Variants in RALGAPA2 observed in about 807,000 individuals in gnomAD.
RALGAPA2 encodes ral GTPase-activating protein subunit alpha-2.
Under a neutral mutation model 230.4 loss-of-function variants are expected in RALGAPA2, and 139 were observed. The ratio of observed to expected loss-of-function variants is 0.60; its 90% CI spans 0.53 to 0.69. The LOEUF is 0.69. Among genes scored for constraint, RALGAPA2 ranks in the 30% least tolerant of loss-of-function variants. The pLI is 0.00. For synonymous variants in RALGAPA2, 847 were observed against 837.8 expected (o/e 1.01, Z -0.19); for missense variants, 2,163 against 2,276.0 (o/e 0.95, Z 1.01).
chr20:20,629,696 G>T, intron 9 of RALGAPA2, 106 bp from the exon 10 acceptor site: 1 of 1,168,648 alleles, frequency 8.6e-7, no homozygotes, highest in Non-Finnish European at 1.2e-6. Flanking sequence ...TACCATCAAT[G>T]TGCACAGGGT....
rs1347609972 is a variant in RALGAPA2, at chr20:20,571,868, A to G, written c.2980T>C (p.Phe994Leu). ...CTTGCCTTAAACAGCCATGATGCAA[A>G]CATTCTGAGTGGTGGGATCAAAACT... ...PPVLIPPLRMFASWLFKAATL... is the reference protein window; with the variant it reads ...PPVLIPPLRMLASWLFKAATL... Residue 994 changes from phenylalanine to leucine, a missense_variant, in exon 22 of 40, where the codon TTT becomes CTT. Transcript: ENST00000202677. 3.7e-6 allele frequency: 6 copies of G among 1,610,780 alleles called. No individual in the cohort carries two copies. In the African/African-American group the frequency reaches 6.7e-5, roughly 18 times the overall value.
At chr20:20,653,658 C>T (rs1253080693) in intron 3 of RALGAPA2, 71 bp from the exon 4 acceptor site, 1 of 879,396 alleles carries the variant, frequency 1.1e-6, no homozygotes, top group Non-Finnish European at 1.8e-6. Flanking sequence ...GCCCATATTA[C>T]TCACTGTAGG....
intron 38 of RALGAPA2, among the ~76,000 whole-genome samples, chr20:20,400,620 C>G (rs765576919): frequency 5.3e-5 from 8 of 152,166 alleles, no homozygotes; most frequent in Non-Finnish European, 1.0e-4. Flanking sequence ...TGTTTCCAGA[C>G]TCTCTCACTC....
chr20:20,511,430 C>T, intron 32 of RALGAPA2, 105 bp from the exon 33 acceptor site: 2 of 1,430,796 alleles, frequency 1.4e-6, no homozygotes, highest in Non-Finnish European at 9.2e-7. Context: ...TCCTCTACCA[C>T]CTCACTCACA....
chr20:20,429,991 T>C (rs2060468525), intron 37 of RALGAPA2, among the ~76,000 whole-genome samples: 1 of 152,238 alleles, frequency 6.6e-6, no homozygotes, highest in South Asian at 2.1e-4. Context: ...TCATCACAGA[T>C]AGCAGGGTTG....
intron 19 of RALGAPA2, among the ~76,000 whole-genome samples, 178 bp from the exon 20 acceptor site, chr20:20,583,404 G>A (rs1568609181): frequency 6.6e-6 from 1 of 152,150 alleles, no homozygotes; most frequent in African/African-American, 2.4e-5. Flanking sequence ...GGGGCTCTTG[G>A]TCAAGAAAAT....
chr20:20,412,170 A>G (rs1234782913), intron 37 of RALGAPA2, 22 bp from the exon 38 acceptor site: 14 of 1,612,936 alleles, frequency 8.7e-6, no homozygotes, highest in Middle Eastern at 1.7e-4. Context: ...GGTTAAGGAA[A>G]CAAGTGCACG....
rs993059157 is a variant in RALGAPA2 at position 20,663,548 on chromosome 20, T to C, written c.271-9961A>G. On this transcript the variant is annotated intron_variant, in intron 3 of 39. Transcript: ENST00000202677. ...CACTGTACAGCTTCTCTTTGGCATATCTGATTGCCAGCATCACTACTCTTG... is the reference window on the plus strand; with the variant it reads ...CACTGTACAGCTTCTCTTTGGCATACCTGATTGCCAGCATCACTACTCTTG... Among the ~76,000 whole-genome samples, 4 of 152,174 alleles carry C rather than the reference T, an allele frequency of 2.6e-5. No individual in the cohort carries two copies. In the South Asian group the frequency reaches 8.3e-4, roughly 31 times the overall value.
intron 37 of RALGAPA2, among the ~76,000 whole-genome samples, chr20:20,457,420 TTTGA>T (rs2061148299): frequency 6.6e-6 from 1 of 152,196 alleles, no homozygotes; most frequent in Non-Finnish European, 1.5e-5. Flanking sequence ...AAAGCTGAAA[TTTGA>T]ATATAAAGAT....
At chr20:20,503,311 A>G (rs1220444627) in intron 35 of RALGAPA2, 40 bp downstream of exon 35, 2 of 1,447,106 alleles carry the variant, frequency 1.4e-6, no homozygotes, top group African/African-American at 2.9e-5. Context: ...TCACCTACAA[A>G]CCAGGGCAGC....
At chr20:20,524,569 T>TTA in intron 29 of RALGAPA2, 26 bp from the exon 30 acceptor site, 1 of 1,613,566 alleles carries the variant, frequency 6.2e-7, no homozygotes, top group Non-Finnish European at 8.5e-7. Flanking sequence ...GCCCGGTAGC[T>TTA]TATGCTGCAG....
At chr20:20,568,786 T>C (rs1267822853) in intron 23 of RALGAPA2, among the ~76,000 whole-genome samples, 1 of 152,226 alleles carries the variant, frequency 6.6e-6, no homozygotes, top group East Asian at 1.9e-4. Context: ...TGCAGACAAG[T>C]GTGCCACCCA....
intron 37 of RALGAPA2, among the ~76,000 whole-genome samples, chr20:20,460,657 C>T (rs1302369910): frequency 6.6e-6 from 1 of 152,140 alleles, no homozygotes; most frequent in African/African-American, 2.4e-5. Context: ...AAAAAACAAA[C>T]AAAACATGTT....
intron 1 of RALGAPA2, among the ~76,000 whole-genome samples, chr20:20,688,338 G>A (rs1326179311): frequency 6.6e-6 from 1 of 152,110 alleles, no homozygotes; most frequent in African/African-American, 2.4e-5. Context: ...ATCCTGGACT[G>A]ATTATTTGCA....
intron 16 of RALGAPA2, among the ~76,000 whole-genome samples, chr20:20,596,995 G>C (rs1261188953): frequency 6.6e-6 from 1 of 152,136 alleles, no homozygotes; most frequent in East Asian, 1.9e-4. Context: ...AACTTCAGTT[G>C]GAACTGTATA....
chr20:20,633,891 G>A (rs2066769092), intron 9 of RALGAPA2, among the ~76,000 whole-genome samples: 1 of 152,198 alleles, frequency 6.6e-6, no homozygotes, highest in Admixed American at 6.5e-5. Context: ...ATTAATTAAT[G>A]ATTCTTTCTT....
At chr20:20,553,986 A>T (rs1380854348) in intron 23 of RALGAPA2, among the ~76,000 whole-genome samples, 1 of 152,210 alleles carries the variant, frequency 6.6e-6, no homozygotes, top group African/African-American at 2.4e-5. Context: ...TTCTCTTGGT[A>T]ACAGCTTCAA....
chr20:20,396,014 AG>A (rs1345217321), intron 39 of RALGAPA2, among the ~76,000 whole-genome samples: 11 of 152,308 alleles, frequency 7.2e-5, no homozygotes, highest in African/African-American at 2.6e-4. Flanking sequence ...CACACGGGAC[AG>A]GGTTTTCAGA....
rs184291954 is a variant in RALGAPA2, at chr20:20,569,527, T to C, written c.3156+1931A>G. 3.0e-3 allele frequency among the ~76,000 whole-genome samples: 464 copies of C among 152,316 alleles called. 11 individuals carry two copies. Among genetic ancestry groups the C allele is most frequent in the Admixed American group, 0.026 (397 of 15,300 alleles). On this transcript the variant is annotated intron_variant, in intron 23 of 39. Coordinates refer to ENST00000202677, the MANE Select transcript of RALGAPA2 (RefSeq NM_020343.4). ...ATTCCACTATGAACTATAAAAGATATTGAGCCTTAACTTAATTAAAAACAT... is the reference window on the plus strand; with the variant it reads ...ATTCCACTATGAACTATAAAAGATACTGAGCCTTAACTTAATTAAAAACAT...
Sources: allele counts gnomAD v4.1 joint callset (sites outside exome capture counted in the v4.1 genomes callset), GRCh38; gene constraint gnomAD v4.1.1; transcripts MANE v1.5; gene names NCBI Gene and HGNC (gene_info 2026-07-23, HGNC 2026-07-21).